Variants in MAPK10 observed in about 807,000 individuals in gnomAD.
MAPK10 encodes JNK3 alpha protein kinase.
Under a neutral mutation model 59.3 loss-of-function variants are expected in MAPK10, and 25 were observed. The observed-to-expected ratio is 0.42, with a 90% confidence interval of 0.31 to 0.59. The LOEUF (loss-of-function observed/expected upper bound fraction) is 0.59. MAPK10 is among the 20% of genes least tolerant of loss of function. The pLI is 0.15. For missense variants in MAPK10, 351 were observed against 568.9 expected (o/e 0.62, Z 3.90); for synonymous variants, 190 against 200.5 (o/e 0.95, Z 0.44).
At chr4:86,493,805 A>C (rs1754662161) in intron 1 of MAPK10, among the ~76,000 whole-genome samples, 1 of 152,190 alleles carries the variant, frequency 6.6e-6, no homozygotes, top group Non-Finnish European at 1.5e-5. Context: ...GTTTTAAAAA[A>C]AGAGCATGTA....
At chr4:86,189,915 C>T (rs144895726) in intron 3 of MAPK10, among the ~76,000 whole-genome samples, 4,840 of 152,156 alleles carry the variant, frequency 0.032, 97 homozygotes, top group South Asian at 0.043. Context: ...TTTTGAGATA[C>T]GTTCCATCAG....
At chr4:86,465,436 T>C (rs1453800749) in intron 1 of MAPK10, among the ~76,000 whole-genome samples, 1 of 151,950 alleles carries the variant, frequency 6.6e-6, no homozygotes, top group African/African-American at 2.4e-5. Flanking sequence ...AAACAGCAGT[T>C]ACAAAAACAA....
chr4:86,493,150 G>C (rs998137872), intron 1 of MAPK10, among the ~76,000 whole-genome samples: 1 of 152,144 alleles, frequency 6.6e-6, no homozygotes, highest in Non-Finnish European at 1.5e-5. Context: ...CCTCACTTCC[G>C]ATTCCTGTAC....
chr4:86,485,699 C>G (rs1343174316), intron 1 of MAPK10, among the ~76,000 whole-genome samples: 3 of 152,138 alleles, frequency 2.0e-5, no homozygotes, highest in Non-Finnish European at 2.9e-5. Context: ...TTTGTTGAAC[C>G]CCTCAACTCC....
chr4:86,047,036 T>A (rs2042623222), intron 11 of MAPK10, among the ~76,000 whole-genome samples: 1 of 152,084 alleles, frequency 6.6e-6, no homozygotes, highest in Non-Finnish European at 1.5e-5. Context: ...TCTTTTTAGT[T>A]TTTTTCTTTT....
At chr4:86,371,116 C>T (rs1349668470) in intron 1 of MAPK10, among the ~76,000 whole-genome samples, 2 of 152,214 alleles carry the variant, frequency 1.3e-5, no homozygotes, top group Admixed American at 6.5e-5. Context: ...GAATAGGATT[C>T]ACTGCTAAAG....
At chr4:86,299,290 A>T (rs1240043624) in intron 2 of MAPK10, among the ~76,000 whole-genome samples, 2 of 152,232 alleles carry the variant, frequency 1.3e-5, no homozygotes, top group Non-Finnish European at 2.9e-5. Flanking sequence ...AAGTCATCTC[A>T]TTACACTGTG....
chr4:86,579,094 G>C (rs1762088254), intron 1 of MAPK10, among the ~76,000 whole-genome samples: 1 of 152,158 alleles, frequency 6.6e-6, no homozygotes, highest in Admixed American at 6.6e-5. Flanking sequence ...TTTTCTGCCA[G>C]TGAGAATGTA....
At chr4:86,085,611 G>A (rs546879755) in intron 9 of MAPK10, among the ~76,000 whole-genome samples, 63 of 152,308 alleles carry the variant, frequency 4.1e-4, no homozygotes, top group African/African-American at 1.4e-3. Flanking sequence ...TGCTGGTGAA[G>A]ATGTGGAGAA....
At chr4:86,440,874 C>A (rs1378754307) in intron 1 of MAPK10, among the ~76,000 whole-genome samples, 3 of 152,058 alleles carry the variant, frequency 2.0e-5, no homozygotes, top group Non-Finnish European at 4.4e-5. Flanking sequence ...CACAGAGTAA[C>A]AAATATAATA....
intron 1 of MAPK10, among the ~76,000 whole-genome samples, chr4:86,384,500 T>C (rs1172968360): frequency 6.6e-6 from 1 of 152,080 alleles, no homozygotes; most frequent in East Asian, 1.9e-4. Flanking sequence ...AGCTATGAAG[T>C]GCGGAAAGCG....
intron 3 of MAPK10, among the ~76,000 whole-genome samples, chr4:86,184,768 C>T (rs190595154): frequency 2.2e-4 from 33 of 149,688 alleles, no homozygotes; most frequent in Non-Finnish European, 2.9e-4. Flanking sequence ...TGTAAGCTTC[C>T]TGAACCAGAA....
intron 1 of MAPK10, among the ~76,000 whole-genome samples, chr4:86,482,038 G>T (rs1294333698): frequency 6.6e-6 from 1 of 152,080 alleles, no homozygotes; most frequent in East Asian, 1.9e-4. Flanking sequence ...AACTTTTCAA[G>T]AAATTTATAA....
At chr4:86,101,849 C>T (rs1245344455) in intron 7 of MAPK10, 45 bp downstream of exon 7, 3 of 1,601,146 alleles carry the variant, frequency 1.9e-6, no homozygotes, top group East Asian at 2.2e-5. Context: ...AGTTACTCTT[C>T]CTCTTAAAGC....
chr4:86,275,654 A>G (rs1200084621), intron 2 of MAPK10, among the ~76,000 whole-genome samples: 1 of 152,084 alleles, frequency 6.6e-6, no homozygotes, highest in Non-Finnish European at 1.5e-5. Flanking sequence ...AAAAAAACAC[A>G]CAATTACTTT....
chr4:86,448,138 A>G (rs1040035712), intron 1 of MAPK10, among the ~76,000 whole-genome samples: 3 of 152,250 alleles, frequency 2.0e-5, no homozygotes, highest in African/African-American at 7.2e-5. Flanking sequence ...AAAAAAACAC[A>G]TTCTTATTCT....
At position 86,169,608 on chromosome 4, in the gene MAPK10, T is replaced by A. The variant is rs575664441; in HGVS notation, c.67-10141A>T. 2.1e-3 allele frequency among the ~76,000 whole-genome samples: 318 copies of A among 151,822 alleles called. 1 individual carries two copies. Among genetic ancestry groups the A allele is most frequent in the African/African-American group, 6.6e-3 (271 of 41,188 alleles). The stretch of plus-strand genomic sequence containing the variant: ...TCTGATTGGTGTACCTGAAAGTGAC[T>A]GGGAGAATGGAACCAAGTTGGAAAA... On this transcript the variant is annotated intron_variant, in intron 3 of 13. Coordinates refer to ENST00000641462, the MANE Select transcript of MAPK10 (RefSeq NM_138982.4).
chr4:86,578,569 A>G (rs960453598), intron 1 of MAPK10, among the ~76,000 whole-genome samples: 1 of 152,220 alleles, frequency 6.6e-6, no homozygotes, highest in Non-Finnish European at 1.5e-5. Flanking sequence ...CTGTTCTCTT[A>G]AAAGACCTGA....
At chr4:86,024,759 G>C (rs1383790366) in intron 13 of MAPK10, 1 of 152,200 alleles carries the variant, frequency 6.6e-6, no homozygotes, top group African/African-American at 2.4e-5. Context: ...TGTTGCAGTT[G>C]TCTTTCTTCT....
Sources: allele counts gnomAD v4.1 joint callset (sites outside exome capture counted in the v4.1 genomes callset), GRCh38; gene constraint gnomAD v4.1.1; transcripts MANE v1.5; gene names NCBI Gene and HGNC (gene_info 2026-07-23, HGNC 2026-07-21).